The following PNKD variants were observed in gnomAD, a reference collection of about 807,000 sequenced individuals.
The protein encoded by PNKD is probable thioesterase PNKD.
PNKD carries 36 observed loss-of-function variants against 45.3 expected under a neutral mutation model. The observed-to-expected ratio is 0.80, with a 90% CI of 0.61 to 1.05. The LOEUF is 1.05. Among genes scored for constraint, PNKD ranks in the 50% least tolerant of loss-of-function variants. The probability of loss-of-function intolerance (pLI) is 0.00; values close to 1 mark genes in which losing one functional copy is unlikely to be tolerated. For missense variants in PNKD, 511 were observed against 506.6 expected (o/e 1.01, Z -0.08); for synonymous variants, 197 against 210.1 (o/e 0.94, Z 0.54).
intron 2 of PNKD, among the ~76,000 whole-genome samples, chr2:218,309,718 C>T (rs1025581513): frequency 5.3e-5 from 8 of 151,444 alleles, no homozygotes; most frequent in Admixed American, 2.6e-4. Context: ...GATCATTTGA[C>T]GTCAGGAGTT....
chr2:218,343,415 A>T, intron 7 of PNKD, 85 bp from the exon 8 acceptor site: 1 of 1,066,066 alleles, frequency 9.4e-7, no homozygotes, highest in Non-Finnish European at 1.4e-6. Context: ...GAGCATTACA[A>T]GCTGGTTCCC....
At chr2:218,283,664 T>C (rs969008991) in intron 2 of PNKD, among the ~76,000 whole-genome samples, 9 of 152,326 alleles carry the variant, frequency 5.9e-5, no homozygotes, top group Non-Finnish European at 1.0e-4. Flanking sequence ...TTAGGGCACA[T>C]TGCATAGTTC....
intron 2 of PNKD, chr2:218,280,506 C>T (rs757539542): frequency 2.3e-5 from 6 of 265,406 alleles, no homozygotes; most frequent in Admixed American, 5.0e-5. Context: ...AAAAGGAGGG[C>T]GGCAGAGCGC....
chr2:218,277,051 G>A (rs776723200), intron 2 of PNKD: 2 of 1,614,060 alleles, frequency 1.2e-6, no homozygotes, highest in Admixed American at 1.7e-5. Context: ...GTCACCAGGA[G>A]CACAATTCCC....
chr2:218,315,034 T>C (rs1693745958), intron 2 of PNKD, among the ~76,000 whole-genome samples: 1 of 1,572 alleles, frequency 6.4e-4, no homozygotes, highest in African/African-American at 8.8e-4. Flanking sequence ...CTTTCTTTCT[T>C]TCTTTTTCTT....
intron 6 of PNKD, 28 bp downstream of exon 6, chr2:218,341,654 G>C (rs1476543670): frequency 6.9e-7 from 1 of 1,453,036 alleles, no homozygotes; most frequent in African/African-American, 1.4e-5. Context: ...GCAAGGGATG[G>C]CCCTTCCATG....
chr2:218,331,180 C>T (rs377055470), intron 2 of PNKD, among the ~76,000 whole-genome samples: 26 of 152,138 alleles, frequency 1.7e-4, no homozygotes, highest in African/African-American at 6.3e-4. Flanking sequence ...TTTGGGAGGG[C>T]GAGGCAGGTG....
At chr2:218,313,158 T>C (rs1574688396) in intron 2 of PNKD, among the ~76,000 whole-genome samples, 1 of 152,026 alleles carries the variant, frequency 6.6e-6, no homozygotes, top group Admixed American at 6.6e-5. Context: ...GGTTGCAGGC[T>C]GGAGTGCAGT....
chr2:218,315,839 C>G (rs1693797017), intron 2 of PNKD, among the ~76,000 whole-genome samples: 1 of 152,240 alleles, frequency 6.6e-6, no homozygotes, highest in Admixed American at 6.5e-5. Context: ...TTCCCTCTGT[C>G]ACTGTTAACT....
chr2:218,296,968 G>C (rs1402949591), intron 2 of PNKD, among the ~76,000 whole-genome samples: 1 of 152,218 alleles, frequency 6.6e-6, no homozygotes, highest in Non-Finnish European at 1.5e-5. Context: ...AAGAGCTACC[G>C]CGCCGCCCGA....
At chr2:218,286,704 T>G (rs1692542875) in intron 2 of PNKD, 1 of 152,262 alleles carries the variant, frequency 6.6e-6, no homozygotes, top group South Asian at 2.1e-4. Flanking sequence ...CTGGGGGTAT[T>G]TGAAGGGTTA....
intron 2 of PNKD, among the ~76,000 whole-genome samples, chr2:218,324,215 C>T (rs750195034): frequency 2.0e-5 from 3 of 152,192 alleles, no homozygotes; most frequent in Non-Finnish European, 4.4e-5. Context: ...GACAGGCCTC[C>T]GAGGCCCCCT....
At chr2:218,278,885 C>T (rs988757018) in intron 2 of PNKD, among the ~76,000 whole-genome samples, 4 of 152,192 alleles carry the variant, frequency 2.6e-5, no homozygotes, top group African/African-American at 4.8e-5. Context: ...CATCTGGGCA[C>T]GCACACCCAC....
intron 7 of PNKD, 122 bp from the exon 8 acceptor site, chr2:218,343,378 T>A (rs1430049817): frequency 4.9e-6 from 4 of 813,970 alleles, no homozygotes; most frequent in Admixed American, 2.0e-5. Context: ...GTCTGGAAAG[T>A]GCACAGTCAG....
chr2:218,292,531 G>A (rs988994226), intron 2 of PNKD: 1 of 151,988 alleles, frequency 6.6e-6, no homozygotes, highest in Non-Finnish European at 1.5e-5. Context: ...GCCGGGCAGG[G>A]CTAGGCTCGG....
At chr2:218,308,499 T>A (rs564017487) in intron 2 of PNKD, among the ~76,000 whole-genome samples, 69 of 151,964 alleles carry the variant, frequency 4.5e-4, no homozygotes, top group African/African-American at 1.5e-3. Flanking sequence ...AGATTTTTTT[T>A]AATCCATTTT....
In PNKD at chr2:218,326,539, C is replaced by T. The variant is rs1428231127; in HGVS notation, c.237-13244C>T. ...TATAAAGTGGGGTTGGGGATGCCTA[C>T]CTCATAGGGCTCCTGTGAAGATCAA... On this transcript the variant is annotated intron_variant, in intron 2 of 9. Transcript: ENST00000273077. The surrounding 1 kb of genome is among the most constrained non-coding windows in gnomAD (Gnocchi z 4.1). Among the ~76,000 whole-genome samples, 1 of 152,144 alleles carries T rather than the reference C, an allele frequency of 6.6e-6. No homozygotes were observed. The highest frequency in any genetic ancestry group is 1.5e-5 in the Non-Finnish European group (1 of 68,032).
intron 2 of PNKD, among the ~76,000 whole-genome samples, chr2:218,297,364 G>A (rs1300632110): frequency 1.3e-5 from 2 of 152,216 alleles, no homozygotes; most frequent in Admixed American, 1.3e-4. Flanking sequence ...AGGACTGTGA[G>A]GCCGGGGGCC....
chr2:218,336,460 A>G (rs1470123313), intron 2 of PNKD, among the ~76,000 whole-genome samples: 2 of 152,146 alleles, frequency 1.3e-5, no homozygotes, highest in African/African-American at 4.8e-5. Flanking sequence ...CATAATTAAT[A>G]TTTCTTAGCT....
Sources: gnomAD v4.1 joint callset for allele counts (sites outside exome capture counted in the v4.1 genomes callset) on GRCh38, gnomAD v4.1.1 for gene constraint, Gnocchi (gnomAD v3.1) non-coding constraint, MANE v1.5 for transcripts, NCBI Gene and HGNC (gene_info 2026-07-23, HGNC 2026-07-21) for gene names.